The following DPP10 variants were observed in gnomAD, a reference collection of about 807,000 sequenced individuals.
The protein encoded by DPP10 is inactive dipeptidyl peptidase 10.
DPP10 carries 33 observed loss-of-function variants against 120.9 expected under a neutral mutation model. The ratio of observed to expected loss-of-function variants is 0.27; its 90% CI spans 0.21 to 0.37. The LOEUF is 0.37. Ranked by LOEUF, DPP10 falls within the 10% of genes least tolerant of loss-of-function variation. DPP10 has a pLI of 1.00. For missense variants in DPP10, 816 were observed against 942.8 expected (o/e 0.87, Z 1.76); for synonymous variants, 337 against 326.1 (o/e 1.03, Z -0.36).
At chr2:115,537,025 T>A (rs1298418338) in intron 5 of DPP10, among the ~76,000 whole-genome samples, 1 of 152,038 alleles carries the variant, frequency 6.6e-6, no homozygotes, top group Non-Finnish European at 1.5e-5. Flanking sequence ...TCCTTAATTG[T>A]AAAACATAAT....
intron 1 of DPP10, among the ~76,000 whole-genome samples, chr2:114,776,247 T>C (rs139801468): frequency 3.3e-5 from 5 of 152,322 alleles, no homozygotes; most frequent in South Asian, 2.1e-4. Context: ...CAAACCTCCA[T>C]GATCTGAGGC....
intron 4 of DPP10, among the ~76,000 whole-genome samples, chr2:115,512,503 A>G (rs1026097734): frequency 1.0e-4 from 15 of 150,290 alleles, no homozygotes; most frequent in African/African-American, 3.7e-4. Context: ...TTCTCACTCT[A>G]TTTCGTTCCT....
At chr2:115,077,770 C>G (rs935535849) in intron 1 of DPP10, among the ~76,000 whole-genome samples, 5 of 152,238 alleles carry the variant, frequency 3.3e-5, no homozygotes, top group African/African-American at 4.8e-5. Context: ...TTCCCTGACT[C>G]ACTTGTTTAC....
intron 3 of DPP10, among the ~76,000 whole-genome samples, chr2:115,458,735 A>G (rs1290491455): frequency 6.6e-6 from 1 of 152,178 alleles, no homozygotes. Context: ...ATAGAGGACT[A>G]GAAAGAAAAA....
chr2:114,583,491 A>T (rs1430114), intron 1 of DPP10, among the ~76,000 whole-genome samples: 3 of 152,220 alleles, frequency 2.0e-5, no homozygotes, highest in Non-Finnish European at 4.4e-5. Flanking sequence ...TATTAAGCAC[A>T]GAATTGAATA....
chr2:115,618,987 G>A (rs575130066), intron 5 of DPP10, among the ~76,000 whole-genome samples: 5 of 150,054 alleles, frequency 3.3e-5, no homozygotes, highest in Admixed American at 6.7e-5. Flanking sequence ...TGGTTAACAC[G>A]TTTTCATTCT....
chr2:115,660,184 T>C (rs1364974587), intron 5 of DPP10, among the ~76,000 whole-genome samples: 1 of 152,228 alleles, frequency 6.6e-6, no homozygotes, highest in Non-Finnish European at 1.5e-5. Context: ...TGTCTGTTTA[T>C]TACGTTTACA....
At chr2:114,996,520 T>A (rs571618691) in intron 1 of DPP10, among the ~76,000 whole-genome samples, 1 of 152,360 alleles carries the variant, frequency 6.6e-6, no homozygotes, top group East Asian at 1.9e-4. Flanking sequence ...TAATTTTTTT[T>A]AATTTAAAAC....
At chr2:115,043,703 G>A (rs1704844854) in intron 1 of DPP10, among the ~76,000 whole-genome samples, 1 of 152,120 alleles carries the variant, frequency 6.6e-6, no homozygotes, top group Non-Finnish European at 1.5e-5. Flanking sequence ...AAAAGCTAAA[G>A]AATATCCCAT....
chr2:114,783,806 T>A (rs1472336654), intron 1 of DPP10, among the ~76,000 whole-genome samples: 1 of 151,868 alleles, frequency 6.6e-6, no homozygotes, highest in Non-Finnish European at 1.5e-5. Context: ...TGCACTCCAG[T>A]CTGGGTGACA....
intron 1 of DPP10, among the ~76,000 whole-genome samples, chr2:114,988,258 G>C (rs1222857027): frequency 6.6e-6 from 1 of 152,148 alleles, no homozygotes; most frequent in Admixed American, 6.5e-5. Context: ...TGAAGCAATC[G>C]TTCCAAATGC....
chr2:115,384,707 A>AAGAAAGAAGAAG (rs1553574793), intron 3 of DPP10, among the ~76,000 whole-genome samples: 7 of 148,434 alleles, frequency 4.7e-5, no homozygotes, highest in African/African-American at 1.8e-4. Context: ...AAGAAAGAAG[A>AAGAAAGAAGAAG]AAGAAGAAGA....
At chr2:115,458,732 A>T (rs1211621356) in intron 3 of DPP10, among the ~76,000 whole-genome samples, 1 of 152,156 alleles carries the variant, frequency 6.6e-6, no homozygotes, top group Non-Finnish European at 1.5e-5. Context: ...GATATAGAGG[A>T]CTAGAAAGAA....
chr2:114,646,835 C>T (rs1414939052), intron 1 of DPP10, among the ~76,000 whole-genome samples: 1 of 152,300 alleles, frequency 6.6e-6, no homozygotes, highest in South Asian at 2.1e-4. Context: ...ATTCCTCTTT[C>T]TCCCACCAAG....
chr2:115,507,466 A>T (rs1302683875), intron 4 of DPP10, among the ~76,000 whole-genome samples: 1 of 152,188 alleles, frequency 6.6e-6, no homozygotes, highest in Non-Finnish European at 1.5e-5. Context: ...GAGAATGATT[A>T]GTTGCTTAGG....
intron 5 of DPP10, among the ~76,000 whole-genome samples, chr2:115,615,710 A>T (rs1031886278): frequency 6.6e-6 from 1 of 152,148 alleles, no homozygotes; most frequent in Non-Finnish European, 1.5e-5. Context: ...ATTTATGGGG[A>T]TTAGGAAAAT....
chr2:115,055,517 T>A (rs915558569), intron 1 of DPP10, among the ~76,000 whole-genome samples: 1 of 152,328 alleles, frequency 6.6e-6, no homozygotes, highest in South Asian at 2.1e-4. Flanking sequence ...AAGGAGTTCT[T>A]TATACTTGAA....
At chr2:114,990,690 G>T (rs1181047435) in intron 1 of DPP10, among the ~76,000 whole-genome samples, 1 of 152,054 alleles carries the variant, frequency 6.6e-6, no homozygotes, top group African/African-American at 2.4e-5. Flanking sequence ...AAGGAACCTT[G>T]ACAGCTTTCT....
At chr2:115,714,902 C>T (rs114270412) in intron 7 of DPP10, among the ~76,000 whole-genome samples, 4,423 of 151,972 alleles carry the variant, frequency 0.029, 150 homozygotes, top group South Asian at 0.088. Flanking sequence ...TGGCGACAGG[C>T]GCCCGTAGTC....
Sources: gnomAD v4.1 joint callset for allele counts (sites outside exome capture counted in the v4.1 genomes callset) on GRCh38, gnomAD v4.1.1 for gene constraint, MANE v1.5 for transcripts, NCBI Gene and HGNC (gene_info 2026-07-23, HGNC 2026-07-21) for gene names.